The following DST variants were observed in gnomAD, a reference collection of about 807,000 sequenced individuals.
DST encodes bullous pemphigoid antigen.
DST carries 253 observed loss-of-function variants against 875.2 expected under a neutral mutation model. That is an observed-to-expected ratio of 0.29 (90% CI 0.26 to 0.32). The LOEUF is 0.32. DST is among the 10% of genes least tolerant of loss of function. The probability of loss-of-function intolerance (pLI) is 1.00; values close to 1 mark genes in which losing one functional copy is unlikely to be tolerated. For synonymous variants in DST, 3,124 were observed against 3,197.1 expected, an observed-to-expected ratio of 0.98 and a Z score of 0.77; for missense variants, 8,287 against 9,111.6, an observed-to-expected ratio of 0.91 and a Z score of 3.68.
At chr6:56,463,957 G>C in intron 100 of DST, 193 bp from the exon 101 acceptor site, 1 of 711,610 alleles carries the variant, frequency 1.4e-6, no homozygotes. Context: ...ATTCCTTTTG[G>C]ATACAGGTGA....
chr6:56,939,396 G>A lies in DST; in HGVS notation c.216+14389C>T, dbSNP rs112361931. ...GACAGAAGCAGGTATGATCAGAGAA[G>A]GACATGGCAGAATTCAAGATCTTGG... is the stretch of plus-strand genomic sequence containing the variant. On this transcript the variant is annotated intron_variant, in intron 2 of 103. Transcript: ENST00000680361. Among the ~76,000 whole-genome samples, 906 of 152,296 alleles carry A rather than the reference G, an allele frequency of 5.9e-3. 12 individuals carry two copies. Among genetic ancestry groups the A allele is most frequent in the African/African-American group, 0.02 (852 of 41,578 alleles).
At chr6:56,756,632 A>C (rs1465016502) in intron 4 of DST, among the ~76,000 whole-genome samples, 2 of 152,220 alleles carry the variant, frequency 1.3e-5, no homozygotes, top group Middle Eastern at 3.2e-3. Context: ...AGACACGCAG[A>C]GAAAAAGAGA....
At chr6:56,869,628 C>A (rs950798590) in intron 3 of DST, among the ~76,000 whole-genome samples, 7 of 151,894 alleles carry the variant, frequency 4.6e-5, no homozygotes, top group Non-Finnish European at 8.8e-5. Flanking sequence ...AGCTGATTCT[C>A]ATGTGTATTT....
intron 44 of DST, among the ~76,000 whole-genome samples, chr6:56,600,934 TCA>T (rs2098440372): frequency 6.6e-6 from 1 of 152,036 alleles, no homozygotes; most frequent in Non-Finnish European, 1.5e-5. Context: ...TTATCAATGC[TCA>T]CAACACTAGC....
chr6:56,938,426 A>T (rs1391473058), intron 2 of DST, among the ~76,000 whole-genome samples: 1 of 152,154 alleles, frequency 6.6e-6, no homozygotes, highest in Non-Finnish European at 1.5e-5. Context: ...ACCCAGTCTG[A>T]AATTTTTGAA....
intron 5 of DST, among the ~76,000 whole-genome samples, chr6:56,720,418 GT>G (rs2099410545): frequency 6.6e-6 from 1 of 151,048 alleles, no homozygotes; most frequent in Non-Finnish European, 1.5e-5. Context: ...ATTTGGCAGG[GT>G]CATAGGACAA....
At chr6:56,923,009 G>A (rs1168834076) in intron 2 of DST, among the ~76,000 whole-genome samples, 1 of 152,048 alleles carries the variant, frequency 6.6e-6, no homozygotes, top group Non-Finnish European at 1.5e-5. Flanking sequence ...AGGAAATAAA[G>A]TATACATCAA....
chr6:56,486,674 G>A (rs918936166), intron 87 of DST, among the ~76,000 whole-genome samples: 3 of 152,114 alleles, frequency 2.0e-5, no homozygotes, highest in Non-Finnish European at 2.9e-5. Context: ...GTGGTACCTT[G>A]CACGTCACAT....
chr6:56,872,825 C>T (rs368684634), intron 3 of DST, among the ~76,000 whole-genome samples: 3 of 136,084 alleles, frequency 2.2e-5, no homozygotes, highest in East Asian at 2.3e-4. Flanking sequence ...CACTGATTCC[C>T]CCCCCCCTTT....
At chr6:56,480,577 T>TTGAATGG (rs1377928225) in intron 90 of DST, among the ~76,000 whole-genome samples, 4 of 152,198 alleles carry the variant, frequency 2.6e-5, no homozygotes, top group Admixed American at 2.0e-4. Flanking sequence ...CTGTTTTTCT[T>TTGAATGG]TGAATGGTGA....
chr6:56,507,557 T>TA (rs1270218250), intron 75 of DST, among the ~76,000 whole-genome samples: 1 of 152,134 alleles, frequency 6.6e-6, no homozygotes, highest in East Asian at 1.9e-4. Flanking sequence ...TACATGGGGG[T>TA]AATGATCCAA....
chr6:56,668,612 A>T (rs936527712), intron 10 of DST, among the ~76,000 whole-genome samples: 15 of 151,868 alleles, frequency 9.9e-5, no homozygotes, highest in Non-Finnish European at 1.3e-4. Flanking sequence ...TAAAAAATTT[A>T]AAAAAATTAG....
chr6:56,530,345 T>C (rs1445641634), intron 64 of DST, among the ~76,000 whole-genome samples: 1 of 152,222 alleles, frequency 6.6e-6, no homozygotes, highest in Non-Finnish European at 1.5e-5. Flanking sequence ...CTCAAGTTCC[T>C]GAATCTCATG....
At chr6:56,861,589 C>T (rs572598422) in intron 3 of DST, among the ~76,000 whole-genome samples, 84 of 152,318 alleles carry the variant, frequency 5.5e-4, no homozygotes, top group Middle Eastern at 3.4e-3. Context: ...TCAAAGCCCC[C>T]GTATCTGCAC....
chr6:56,843,746 G>C (rs994624154), intron 4 of DST: 2 of 253,638 alleles, frequency 7.9e-6, no homozygotes, highest in Admixed American at 1.3e-4. Context: ...AGGGTGGAGG[G>C]TGGAGGGTGG....
At chr6:56,792,301 A>T (rs1358925923) in intron 4 of DST, among the ~76,000 whole-genome samples, 2 of 152,232 alleles carry the variant, frequency 1.3e-5, no homozygotes, top group Non-Finnish European at 2.9e-5. Flanking sequence ...TTAAATATTA[A>T]TAACTCATTC....
At chr6:56,621,890 G>C (rs1438840562) in intron 36 of DST, among the ~76,000 whole-genome samples, 4 of 152,048 alleles carry the variant, frequency 2.6e-5, no homozygotes, top group Non-Finnish European at 5.9e-5. Flanking sequence ...ATCTTATTTT[G>C]CTTCCTCTAA....
At chr6:56,839,983 C>T (rs538453741) in intron 4 of DST, among the ~76,000 whole-genome samples, 12 of 152,240 alleles carry the variant, frequency 7.9e-5, no homozygotes, top group Admixed American at 6.5e-4. Flanking sequence ...ACTTTCATTA[C>T]GGTTGTCTAG....
intron 2 of DST, among the ~76,000 whole-genome samples, chr6:56,938,108 C>CTCTA (rs1383243392): frequency 3.3e-3 from 399 of 120,734 alleles, no homozygotes; most frequent in African/African-American, 0.013. Flanking sequence ...CTCTCTCTCT[C>CTCTA]TATATATATA....
Sources: gnomAD v4.1 joint callset for allele counts (sites outside exome capture counted in the v4.1 genomes callset) on GRCh38, gnomAD v4.1.1 for gene constraint, MANE v1.5 for transcripts, NCBI Gene and HGNC (gene_info 2026-07-23, HGNC 2026-07-21) for gene names.